DLEC1: variants seen among roughly 807,000 people sequenced by gnomAD.
DLEC1 encodes the protein deleted in lung and esophageal cancer protein 1.
Under a neutral mutation model 198.1 loss-of-function variants are expected in DLEC1, and 146 were observed. That is an observed-to-expected ratio of 0.74 (90% CI 0.64 to 0.85). The LOEUF is 0.85. Among genes scored for constraint, DLEC1 ranks in the 40% least tolerant of loss-of-function variants. The pLI, the probability that DLEC1 is intolerant of heterozygous loss-of-function variation, is 0.00. For missense variants in DLEC1, 2,233 were observed against 2,220.0 expected (o/e 1.01, Z -0.12); for synonymous variants, 897 against 866.8 (o/e 1.03, Z -0.61).
intron 24 of DLEC1, 42 bp downstream of exon 24, chr3:38,111,789 C>G: frequency 1.3e-6 from 2 of 1,593,192 alleles, no homozygotes. Context: ...CAGGCCACGG[C>G]CAGAGCCACA....
chr3:38,109,502 C>T lies in DLEC1; in HGVS notation c.3200C>T (p.Ser1067Phe). ...AAGAAGCCACTGGTTCTAGGCATTT[C>T]TGGGAAGCCCCAGGGACTGCAAGTG... The part of the protein sequence containing the change: ...GMKKPLVLGI[S>F]GKPQGLQVAI... The change falls in exon 22 of 37, where the codon TCT becomes TTT. Residue 1067 changes from serine (S) to phenylalanine (F), a missense_variant. Coordinates refer to ENST00000308059, the MANE Select transcript of DLEC1 (RefSeq NM_007335.4). 6.2e-7 allele frequency: 1 copy of T among 1,614,236 alleles called. No homozygotes were observed. Among genetic ancestry groups the T allele is most frequent in the Non-Finnish European group, 8.5e-7 (1 of 1,180,028 alleles).
At chr3:38,121,115 G>A (rs1457398032) in intron 34 of DLEC1, among the ~76,000 whole-genome samples, 1 of 152,220 alleles carries the variant, frequency 6.6e-6, no homozygotes, top group Non-Finnish European at 1.5e-5. Flanking sequence ...GAGAGGCCGG[G>A]GGCAGGAGGC....
Position 38,039,343 on chromosome 3 carries a change from A to C in DLEC1, c.118A>C (p.Thr40Pro). 6.2e-7 allele frequency: 1 copy of C among 1,614,198 alleles called. No homozygotes were observed. The highest frequency in any genetic ancestry group is 1.1e-5 in the South Asian group (1 of 91,090). ...PAGSSSPSQP[T>P]WKSSLYSSLA... ...CGGGTCCAGCAGCCCCAGCCAGCCC[A>C]CCTGGAAGTCCTCCTTGTATTCCTC... is the stretch of plus-strand genomic sequence containing the variant. Residue 40 changes from threonine (T) to proline (P), a missense_variant, in exon 1 of 37, where the codon ACC becomes CCC. Coordinates refer to ENST00000308059, the MANE Select transcript of DLEC1 (RefSeq NM_007335.4).
At chr3:38,063,983 T>C (rs1696841807) in intron 6 of DLEC1, 64 bp downstream of exon 6, 1 of 1,164,640 alleles carries the variant, frequency 8.6e-7, no homozygotes, top group Non-Finnish European at 1.2e-6. Context: ...AAAGTCTTTA[T>C]TATGGAAATT....
At chr3:38,043,307 T>C (rs1700740447) in intron 1 of DLEC1, among the ~76,000 whole-genome samples, 1 of 152,228 alleles carries the variant, frequency 6.6e-6, no homozygotes, top group Non-Finnish European at 1.5e-5. Context: ...GCATTTACAA[T>C]ATTGAGCATT....
intron 2 of DLEC1, chr3:38,052,089 C>A (rs140495517): frequency 3.4e-6 from 1 of 292,044 alleles, no homozygotes; most frequent in African/African-American, 2.2e-5. Flanking sequence ...AGCAAAGGAA[C>A]CATTGACTAA....
intron 10 of DLEC1, among the ~76,000 whole-genome samples, chr3:38,089,035 G>C (rs954156623): frequency 6.6e-6 from 1 of 152,160 alleles, no homozygotes; most frequent in Non-Finnish European, 1.5e-5. Flanking sequence ...CTAGGAGTCT[G>C]ACTCCACTTC....
chr3:38,087,663 T>C (rs1483912566), intron 9 of DLEC1, among the ~76,000 whole-genome samples: 1 of 152,254 alleles, frequency 6.6e-6, no homozygotes, highest in East Asian at 1.9e-4. Flanking sequence ...AGCAAAGATA[T>C]TTATTTGTAC....
At chr3:38,069,067 T>A (rs1196406049) in intron 6 of DLEC1, among the ~76,000 whole-genome samples, 1 of 152,068 alleles carries the variant, frequency 6.6e-6, no homozygotes, top group Non-Finnish European at 1.5e-5. Context: ...TTTGGAGACA[T>A]GGAAATAAAT....
At chr3:38,059,992 A>T (rs1464165223) in intron 3 of DLEC1, 140 bp downstream of exon 3, 3 of 725,984 alleles carry the variant, frequency 4.1e-6, no homozygotes, top group South Asian at 3.6e-5. Context: ...CTGTTGGGAA[A>T]GTCAAATCTG....
At chr3:38,051,293 C>T (rs1025272651) in intron 2 of DLEC1, among the ~76,000 whole-genome samples, 1 of 152,184 alleles carries the variant, frequency 6.6e-6, no homozygotes, top group African/African-American at 2.4e-5. Context: ...TGGTGACAGC[C>T]GGGACTGATC....
At chr3:38,103,514 C>G (rs1370430449) in intron 19 of DLEC1, 1 of 152,132 alleles carries the variant, frequency 6.6e-6, no homozygotes, top group Admixed American at 6.6e-5. Context: ...ATTTTATTTG[C>G]TTTATTATCT....
chr3:38,099,413 T>C (rs1276533500), intron 18 of DLEC1, among the ~76,000 whole-genome samples: 2 of 152,190 alleles, frequency 1.3e-5, no homozygotes, highest in African/African-American at 4.8e-5. Context: ...TAATTGCCAA[T>C]GTTATAGTAT....
At chr3:38,100,532 A>C (rs1173334758) in intron 19 of DLEC1, 107 bp downstream of exon 19, 7 of 1,344,766 alleles carry the variant, frequency 5.2e-6, no homozygotes, top group African/African-American at 1.5e-5. Flanking sequence ...AAACTATTGA[A>C]TCCAGAAAAT....
At chr3:38,116,431 C>T (rs1353272610) in intron 27 of DLEC1, 22 bp from the exon 28 acceptor site, 1 of 1,613,716 alleles carries the variant, frequency 6.2e-7, no homozygotes, top group South Asian at 1.1e-5. Flanking sequence ...ATTCCTCACC[C>T]TGCTCCACAC....
At chr3:38,095,835 G>A (rs1559442339) in intron 13 of DLEC1, 53 bp from the exon 14 acceptor site, 3 of 1,610,116 alleles carry the variant, frequency 1.9e-6, no homozygotes, top group Non-Finnish European at 2.5e-6. Context: ...CCTTCTCCAG[G>A]ACAACCTGCT....
Position 38,040,213 on chromosome 3 carries a change from C to T in DLEC1, c.411+577C>T, listed in dbSNP as rs553584371. Among the ~76,000 whole-genome samples, 10 of 152,314 alleles carry T rather than the reference C, an allele frequency of 6.6e-5. No homozygotes were observed. In the South Asian group the frequency reaches 2.1e-3, roughly 32 times the overall value. On this transcript the variant is annotated intron_variant, in intron 1 of 36. Coordinates refer to ENST00000308059, the MANE Select transcript of DLEC1 (RefSeq NM_007335.4). ...CCCGATCCTTTACCCCGGTGTGCTT[C>T]CTGCCTCTCAGATCTTCTTCTTCTC... is the stretch of plus-strand genomic sequence containing the variant.
intron 3 of DLEC1, among the ~76,000 whole-genome samples, chr3:38,060,332 T>C (rs1696613268): frequency 6.6e-6 from 1 of 152,136 alleles, no homozygotes; most frequent in Admixed American, 6.5e-5. Flanking sequence ...TCCTGTGATA[T>C]GGGAGGCAAG....
chr3:38,058,199 T>C (rs754088872), intron 2 of DLEC1, among the ~76,000 whole-genome samples: 13 of 152,188 alleles, frequency 8.5e-5, no homozygotes, highest in Non-Finnish European at 1.8e-4. Context: ...CTCCTGGTAA[T>C]ATTTGCTTAC....
Sources: gnomAD v4.1 joint callset for allele counts (sites outside exome capture counted in the v4.1 genomes callset) on GRCh38, gnomAD v4.1.1 for gene constraint, MANE v1.5 for transcripts, NCBI Gene and HGNC (gene_info 2026-07-23, HGNC 2026-07-21) for gene names.